MAGI2: variants seen among roughly 807,000 people sequenced by gnomAD.
MAGI2 encodes membrane associated guanylate kinase, WW and PDZ domain containing 2, also known as membrane-associated guanylate kinase, WW and PDZ domain-containing protein 2.
A neutral mutation model predicts 133.3 loss-of-function variants in MAGI2; 35 were observed. The ratio of observed to expected loss-of-function variants is 0.26; its 90% CI spans 0.20 to 0.35. The LOEUF is 0.35. Among genes scored for constraint, MAGI2 ranks in the 10% least tolerant of loss-of-function variants. The pLI is 1.00. For synonymous variants in MAGI2, 729 were observed against 710.6 expected, an observed-to-expected ratio of 1.03 and a Z score of -0.41; for missense variants, 1,636 against 1,863.4, an observed-to-expected ratio of 0.88 and a Z score of 2.25.
At chr7:78,827,459 G>A (rs1204712065) in intron 2 of MAGI2, among the ~76,000 whole-genome samples, 2 of 145,790 alleles carry the variant, frequency 1.4e-5, no homozygotes, top group Non-Finnish European at 3.0e-5. Flanking sequence ...TGAATTTTTT[G>A]TAGAAACAGG....
In MAGI2 at chr7:78,050,626, G is replaced by A. The variant is rs149216185; in HGVS notation, c.3706+28321C>T. Among the ~76,000 whole-genome samples the A allele has an allele frequency of 4.0e-3, 609 of 152,250 alleles. 3 individuals are homozygous for A. Among genetic ancestry groups the A allele is most frequent in the African/African-American group, 0.014 (571 of 41,530 alleles). ...AATTGAAACGTTTGTTTCTCTCTCA[G>A]GTTTGCAGGTTAGGCTGGTCAGAAA... On this transcript the variant is annotated intron_variant, in intron 21 of 21. Transcript: ENST00000354212.
At chr7:78,558,247 C>T (rs990264290) in intron 3 of MAGI2, among the ~76,000 whole-genome samples, 1 of 152,056 alleles carries the variant, frequency 6.6e-6, no homozygotes, top group Admixed American at 6.5e-5. Context: ...AAGAAAGAGA[C>T]AAACGTTAAT....
intron 3 of MAGI2, among the ~76,000 whole-genome samples, chr7:78,591,633 G>A (rs1054055829): frequency 1.3e-5 from 2 of 152,200 alleles, no homozygotes; most frequent in Admixed American, 6.5e-5. Flanking sequence ...CTCTGAGTTG[G>A]AATATGGGTA....
At chr7:78,371,680 A>C (rs1406860154) in intron 6 of MAGI2, among the ~76,000 whole-genome samples, 1 of 152,010 alleles carries the variant, frequency 6.6e-6, no homozygotes, top group Non-Finnish European at 1.5e-5. Flanking sequence ...AATTTATTAT[A>C]TATTATACTG....
intron 9 of MAGI2, among the ~76,000 whole-genome samples, chr7:78,266,977 C>T (rs748425111): frequency 2.6e-5 from 4 of 152,142 alleles, no homozygotes; most frequent in Admixed American, 6.5e-5. Context: ...GAGCTGGTTG[C>T]TAGTCCTGAA....
chr7:78,986,318 A>G (rs1360137809), intron 2 of MAGI2, among the ~76,000 whole-genome samples: 1 of 152,054 alleles, frequency 6.6e-6, no homozygotes, highest in Non-Finnish European at 1.5e-5. Context: ...TGTATTTAAG[A>G]ATCTATTTTT....
chr7:78,573,295 TATATATTTATATATATAA>T (rs1801858718), intron 3 of MAGI2, among the ~76,000 whole-genome samples: 1 of 60,160 alleles, frequency 1.7e-5, no homozygotes, highest in Non-Finnish European at 2.8e-5. Context: ...TATATAAATA[TATATATTTATATATATAA>T]ATATATAAAT....
At chr7:78,024,403 C>T (rs1030359115) in intron 21 of MAGI2, among the ~76,000 whole-genome samples, 8 of 152,190 alleles carry the variant, frequency 5.3e-5, no homozygotes, top group African/African-American at 1.9e-4. Context: ...GACAGTTCAT[C>T]GGCTTCTTTA....
chr7:78,144,608 T>C (rs995974543), intron 16 of MAGI2, among the ~76,000 whole-genome samples: 4 of 152,198 alleles, frequency 2.6e-5, no homozygotes, highest in South Asian at 2.1e-4. Context: ...CCAAAAGCTG[T>C]TAAAATCATC....
intron 1 of MAGI2, among the ~76,000 whole-genome samples, chr7:79,319,589 C>G (rs1839014801): frequency 1.3e-5 from 2 of 152,012 alleles, no homozygotes; most frequent in Non-Finnish European, 2.9e-5. Context: ...TCATCTCAAC[C>G]CTTGAATTTG....
At chr7:78,605,623 G>A (rs1805723160) in intron 3 of MAGI2, among the ~76,000 whole-genome samples, 1 of 152,186 alleles carries the variant, frequency 6.6e-6, no homozygotes, top group Non-Finnish European at 1.5e-5. Context: ...GCCTATCGGG[G>A]ACATAGAACA....
intron 13 of MAGI2, among the ~76,000 whole-genome samples, chr7:78,179,543 C>G (rs1826984996): frequency 6.6e-6 from 1 of 152,142 alleles, no homozygotes; most frequent in African/African-American, 2.4e-5. Context: ...TTATCTGGTG[C>G]TCTTTTAAAT....
At chr7:78,119,273 A>T (rs1820180432) in intron 20 of MAGI2, among the ~76,000 whole-genome samples, 2 of 152,116 alleles carry the variant, frequency 1.3e-5, no homozygotes, top group African/African-American at 4.8e-5. Flanking sequence ...AGAATGTACG[A>T]CACCGGCCGG....
At chr7:78,594,158 T>C (rs1466780886) in intron 3 of MAGI2, among the ~76,000 whole-genome samples, 1 of 152,242 alleles carries the variant, frequency 6.6e-6, no homozygotes, top group Non-Finnish European at 1.5e-5. Context: ...CTCCTCAGAA[T>C]GTTGAAGCTG....
intron 2 of MAGI2, among the ~76,000 whole-genome samples, chr7:78,640,564 A>G (rs1384625286): frequency 6.6e-6 from 1 of 152,162 alleles, no homozygotes; most frequent in Non-Finnish European, 1.5e-5. Context: ...CTTTAGAGAG[A>G]TCAAGACAAC....
chr7:79,126,854 G>A (rs1240087834), intron 1 of MAGI2, among the ~76,000 whole-genome samples: 1 of 151,606 alleles, frequency 6.6e-6, no homozygotes, highest in African/African-American at 2.4e-5. Flanking sequence ...CAACGTGAAG[G>A]TTTGTTACAT....
At chr7:78,105,651 T>C (rs1818606018) in intron 20 of MAGI2, among the ~76,000 whole-genome samples, 1 of 152,204 alleles carries the variant, frequency 6.6e-6, no homozygotes, top group African/African-American at 2.4e-5. Context: ...TTTCCTCTTC[T>C]GTGATATGCG....
intron 2 of MAGI2, among the ~76,000 whole-genome samples, chr7:78,670,036 A>T (rs1814163035): frequency 6.6e-6 from 1 of 151,312 alleles, no homozygotes; most frequent in Non-Finnish European, 1.5e-5. Flanking sequence ...CTCTCTCACC[A>T]CTCCTATTCA....
At chr7:78,706,454 A>G (rs1818658723) in intron 2 of MAGI2, among the ~76,000 whole-genome samples, 1 of 152,078 alleles carries the variant, frequency 6.6e-6, no homozygotes, top group African/African-American at 2.4e-5. Context: ...TTATGTCTTT[A>G]TCAGCAGTGT....
Sources: gnomAD v4.1 joint callset for allele counts (sites outside exome capture counted in the v4.1 genomes callset) on GRCh38, gnomAD v4.1.1 for gene constraint, MANE v1.5 for transcripts, NCBI Gene and HGNC (gene_info 2026-07-23, HGNC 2026-07-21) for gene names.